The following CRACD variants were observed in gnomAD, a reference collection of about 807,000 sequenced individuals.
CRACD encodes capping protein-inhibiting regulator of actin dynamics.
In CRACD, 56 loss-of-function variants were observed where a neutral mutation model predicts 106.8. That is an observed-to-expected ratio of 0.52 (90% CI 0.42 to 0.66). The LOEUF (loss-of-function observed/expected upper bound fraction) is 0.66. CRACD is among the 30% of genes least tolerant of loss of function. The pLI, the probability that CRACD is intolerant of heterozygous loss-of-function variation, is 0.00. For missense variants in CRACD, 1,730 were observed against 1,623.2 expected (o/e 1.07, Z -1.13); for synonymous variants, 754 against 670.8 (o/e 1.12, Z -1.92).
intron 1 of CRACD, among the ~76,000 whole-genome samples, chr4:56,176,886 A>G (rs1393132399): frequency 2.6e-5 from 4 of 152,216 alleles, no homozygotes; most frequent in African/African-American, 9.7e-5. Context: ...GCATATAGAA[A>G]TACTACTGAT....
At chr4:56,322,890 G>A (rs1746191733) in intron 8 of CRACD, among the ~76,000 whole-genome samples, 1 of 152,148 alleles carries the variant, frequency 6.6e-6, no homozygotes, top group Non-Finnish European at 1.5e-5. Flanking sequence ...TTTGCCAGGT[G>A]TGGTTGCAGG....
chr4:56,276,719 G>A (rs1291366590), intron 3 of CRACD, among the ~76,000 whole-genome samples: 2 of 152,160 alleles, frequency 1.3e-5, no homozygotes. Context: ...CCTCACTAGG[G>A]AGCTACTCAT....
chr4:56,250,967 A>G (rs1321199733), intron 2 of CRACD, among the ~76,000 whole-genome samples: 2 of 152,190 alleles, frequency 1.3e-5, no homozygotes, highest in African/African-American at 4.8e-5. Context: ...GAATCCATTC[A>G]TGTCTTTATC....
At position 56,325,207 on chromosome 4, in the gene CRACD, T is replaced by C. The variant is rs544053728; in HGVS notation, c.3541+941T>C. Among the ~76,000 whole-genome samples the C allele has an allele frequency of 4.6e-5, 7 of 152,210 alleles. No homozygotes were observed. In the South Asian group the frequency reaches 1.5e-3, roughly 32 times the overall value. Reference sequence around the variant, plus strand: ...AAAATTAGCCAGGTGTGGTGGTGCATGCCTGTAGTCCCACCTACTTGGGAG... The same window carrying C: ...AAAATTAGCCAGGTGTGGTGGTGCACGCCTGTAGTCCCACCTACTTGGGAG... On this transcript the variant is annotated intron_variant, in intron 10 of 10. Transcript: ENST00000682029.
rs545973622 is a variant in CRACD, at chr4:56,108,287, C to A, written c.-336+58988C>A. Reference sequence around the variant, plus strand: ...CCGGTATAATCCTGTATCATTAATACCCCTGATATGATACATTGTGAAGGA... The same window carrying A: ...CCGGTATAATCCTGTATCATTAATAACCCTGATATGATACATTGTGAAGGA... On this transcript the variant is annotated intron_variant, in intron 1 of 10. Transcript: ENST00000682029. Among the ~76,000 whole-genome samples the A allele has an allele frequency of 2.6e-5, 4 of 152,280 alleles. No homozygotes were observed. In the South Asian group the frequency reaches 6.2e-4, roughly 24 times the overall value.
At chr4:56,184,790 T>C (rs578235134) in intron 2 of CRACD, among the ~76,000 whole-genome samples, 3 of 152,174 alleles carry the variant, frequency 2.0e-5, no homozygotes, top group East Asian at 1.9e-4. Context: ...CTTATCACTA[T>C]GGAATGGAAA....
intron 1 of CRACD, among the ~76,000 whole-genome samples, chr4:56,056,633 C>G (rs570039669): frequency 6.6e-6 from 1 of 151,808 alleles, no homozygotes; most frequent in Non-Finnish European, 1.5e-5. Context: ...ACCCTCTCCC[C>G]GAAAAACCAA....
At chr4:56,217,017 A>T (rs1278327321) in intron 2 of CRACD, among the ~76,000 whole-genome samples, 1 of 149,718 alleles carries the variant, frequency 6.7e-6, no homozygotes, top group Non-Finnish European at 1.5e-5. Flanking sequence ...AAAAAAAAAA[A>T]GAAAATGTCT....
At chr4:56,192,779 G>GA (rs1192242057) in intron 2 of CRACD, among the ~76,000 whole-genome samples, 1 of 152,074 alleles carries the variant, frequency 6.6e-6, no homozygotes, top group Non-Finnish European at 1.5e-5. Flanking sequence ...TTCCTGATCT[G>GA]AAAAAAAGTG....
intron 2 of CRACD, among the ~76,000 whole-genome samples, chr4:56,239,369 A>T (rs1740222774): frequency 6.6e-6 from 1 of 151,934 alleles, no homozygotes; most frequent in South Asian, 2.1e-4. Context: ...TGGGAAGATA[A>T]TTTTAGAGGT....
At chr4:56,273,150 TAGAA>T (rs1742460375) in intron 3 of CRACD, among the ~76,000 whole-genome samples, 1 of 152,086 alleles carries the variant, frequency 6.6e-6, no homozygotes, top group East Asian at 1.9e-4. Flanking sequence ...GCTTTACAAA[TAGAA>T]AGGTTGTCAT....
At chr4:56,253,690 T>C (rs575944374) in intron 2 of CRACD, among the ~76,000 whole-genome samples, 14 of 152,290 alleles carry the variant, frequency 9.2e-5, no homozygotes, top group Admixed American at 4.6e-4. Context: ...TGCATTTAGG[T>C]CATAGAAATT....
chr4:56,192,751 G>T (rs1016009168), intron 2 of CRACD, among the ~76,000 whole-genome samples: 4 of 152,176 alleles, frequency 2.6e-5, no homozygotes, highest in Non-Finnish European at 5.9e-5. Flanking sequence ...CGGATTTTAA[G>T]TAGAATGAGA....
In CRACD at chr4:56,207,987, AT is replaced by A. The variant is rs1191794918; in HGVS notation, c.-189+28571del. 4.2e-3 allele frequency among the ~76,000 whole-genome samples: 580 copies of A among 138,702 alleles called. 2 individuals are homozygous for A. Among genetic ancestry groups the A allele is most frequent in the African/African-American group, 8.8e-3 (334 of 37,910 alleles). The allele number at this position is 138,702 out of a possible 152,430, so 91.0% of individuals were successfully genotyped here. On this transcript the variant is annotated intron_variant, in intron 2 of 10. Transcript: ENST00000682029. ...CAGACACACCATGCCTGGTTAATTA[AT>A]TTTTTTTTTTTTTAGAGATGAGGGT...
At chr4:56,294,257 A>G (rs991878774) in intron 3 of CRACD, among the ~76,000 whole-genome samples, 2 of 151,980 alleles carry the variant, frequency 1.3e-5, no homozygotes, top group East Asian at 1.9e-4. Context: ...TCATGTTATT[A>G]TAATTGATAA....
rs1745273255 is a variant in CRACD at position 56,313,258 on chromosome 4, G to C, written c.416G>C (p.Ser139Thr). The C allele has an allele frequency of 1.2e-6, 2 of 1,614,206 alleles. No homozygotes were observed. Among genetic ancestry groups the C allele is most frequent in the Admixed American group, 1.7e-5 (1 of 60,032 alleles). ...RHFSSAGTIE[S>T]VNLDAIPLAI... ...TTCTCTTCTGCTGGCACCATCGAAA[G>C]TGTCAACTTAGATGCCATCCCCCTG... The change falls in exon 7 of 11, where the codon AGT (serine) becomes ACT (threonine). Residue 139 changes from serine to threonine, a missense_variant. Ser to Thr is a moderately conservative substitution (Grantham distance 58). Coordinates refer to ENST00000682029, the MANE Select transcript of CRACD (RefSeq NM_001393381.1).
At chr4:56,185,560 G>C (rs964508226) in intron 2 of CRACD, among the ~76,000 whole-genome samples, 1 of 152,166 alleles carries the variant, frequency 6.6e-6, no homozygotes, top group African/African-American at 2.4e-5. Context: ...GAGCTGGGGT[G>C]CTATGGGAAT....
At chr4:56,215,301 G>A (rs1347800714) in intron 2 of CRACD, among the ~76,000 whole-genome samples, 1 of 152,114 alleles carries the variant, frequency 6.6e-6, no homozygotes, top group African/African-American at 2.4e-5. Context: ...GATTACAAAC[G>A]TGAATCACTG....
At chr4:56,304,543 G>A (rs1744568389) in intron 4 of CRACD, among the ~76,000 whole-genome samples, 2 of 151,974 alleles carry the variant, frequency 1.3e-5, no homozygotes, top group South Asian at 2.1e-4. Context: ...TTCGGGAGGC[G>A]GAGGCAGGAG....
Sources: allele counts gnomAD v4.1 joint callset (sites outside exome capture counted in the v4.1 genomes callset), GRCh38; gene constraint gnomAD v4.1.1; transcripts MANE v1.5; gene names NCBI Gene and HGNC (gene_info 2026-07-23, HGNC 2026-07-21).